UNC79: variants seen among roughly 807,000 people sequenced by gnomAD.
UNC79 encodes the protein unc-79 subunit of NALCN channel complex.
A neutral mutation model predicts 283.1 loss-of-function variants in UNC79; 37 were observed. The observed-to-expected ratio is 0.13, with a 90% CI of 0.10 to 0.17. The LOEUF is 0.17. Among genes scored for constraint, UNC79 ranks in the 10% least tolerant of loss-of-function variants. The pLI is 1.00. For synonymous variants in UNC79, 1,107 were observed against 1,200.2 expected (o/e 0.92, Z 1.61); for missense variants, 2,272 against 3,211.1 (o/e 0.71, Z 7.07).
Position 93,486,721 on chromosome 14 carries a change from C to A in UNC79, c.620-942C>A, listed in dbSNP as rs147500676. Among the ~76,000 whole-genome samples, 89 of 148,766 alleles carry A rather than the reference C, an allele frequency of 6.0e-4. No homozygotes were observed. The Middle Eastern group carries it at 0.014, about 24-fold the overall frequency. ...GGAGACCATGTATTTCCCCAAATGA[C>A]TTCCATCAGTGCTACTTTTGAATAC... On this transcript the variant is annotated intron_variant, in intron 4 of 48. Coordinates refer to ENST00000555664, the Ensembl canonical transcript of UNC79.
exon 18 of UNC79, chr14:93,577,845 A>G (rs1339921248): frequency 6.2e-7 from 1 of 1,613,434 alleles, no homozygotes; most frequent in African/African-American, 1.3e-5. Context: ...CTTGTAGGTG[A>G]GTGTTGCCTC....
intron 40 of UNC79, among the ~76,000 whole-genome samples, chr14:93,663,363 G>A (rs1389459229): frequency 1.3e-5 from 2 of 152,164 alleles, no homozygotes; most frequent in Non-Finnish European, 1.5e-5. Flanking sequence ...AAATCAGAAG[G>A]CAGGGCAAAA....
At chr14:93,493,895 ATATATAT>A (rs1457830295) in intron 5 of UNC79, among the ~76,000 whole-genome samples, 21 of 35,546 alleles carry the variant, frequency 5.9e-4, no homozygotes, top group South Asian at 3.0e-3. Context: ...ATATATATAT[ATATATAT>A]TTTTTTTTTT....
At chr14:93,538,330 A>G in intron 12 of UNC79, 112 bp downstream of exon 12, 1 of 1,069,332 alleles carries the variant, frequency 9.4e-7, no homozygotes, top group Non-Finnish European at 1.3e-6. Flanking sequence ...CTTAGCCCAG[A>G]TGCTCACCTT....
chr14:93,417,480 A>G (rs373426837), intron 1 of UNC79, among the ~76,000 whole-genome samples: 1 of 152,002 alleles, frequency 6.6e-6, no homozygotes, highest in Non-Finnish European at 1.5e-5. Flanking sequence ...CAACTTTGGT[A>G]AATCTGACAA....
intron 1 of UNC79, among the ~76,000 whole-genome samples, chr14:93,386,446 CTTTGTCTGGT>C (rs1158040249): frequency 3.9e-5 from 6 of 152,038 alleles, no homozygotes; most frequent in Non-Finnish European, 7.4e-5. Context: ...TTTGATGTGT[CTTTGTCTGGT>C]TTTGATGTCA....
intron 47 of UNC79, among the ~76,000 whole-genome samples, chr14:93,702,200 G>A (rs1183628220): frequency 2.0e-5 from 3 of 152,136 alleles, no homozygotes; most frequent in Non-Finnish European, 2.9e-5. Context: ...GCCAGTCCTA[G>A]TAAGGGTCAG....
In UNC79 at chr14:93,575,217, G is replaced by T. The variant is rs565250079; in HGVS notation, c.2211+19G>T. The stretch of plus-strand genomic sequence containing the variant: ...TCGAAGGGTAATTATTGCCACATTT[G>T]TTCTTGTCTTGCTTTTAAAAATCTT... On this transcript the variant is annotated intron_variant, in intron 17 of 48. Coordinates refer to ENST00000555664, the Ensembl canonical transcript of UNC79. 21 of 1,612,938 alleles carry T rather than the reference G, an allele frequency of 1.3e-5. No homozygotes were observed. The South Asian group carries it at 2.3e-4, about 18-fold the overall frequency.
chr14:93,466,709 A>G (rs1355311891), intron 1 of UNC79, among the ~76,000 whole-genome samples: 2 of 152,168 alleles, frequency 1.3e-5, no homozygotes, highest in African/African-American at 4.8e-5. Context: ...GAGCCATACC[A>G]CCTAAAAGGC....
At chr14:93,646,462 G>A in intron 34 of UNC79, 146 bp from the exon 38 acceptor site, 1 of 669,030 alleles carries the variant, frequency 1.5e-6, no homozygotes, top group Non-Finnish European at 2.5e-6. Context: ...CCACTGAGTG[G>A]GCCCTCTGTA....
chr14:93,492,452 C>G (rs139070652), intron 5 of UNC79, among the ~76,000 whole-genome samples: 2,137 of 152,306 alleles, frequency 0.014, 23 homozygotes, highest in Middle Eastern at 0.037. Context: ...CTCCTGGGTT[C>G]AAGCAATTCT....
chr14:93,508,722 T>C (rs895377546), intron 7 of UNC79, among the ~76,000 whole-genome samples: 1 of 152,244 alleles, frequency 6.6e-6, no homozygotes, highest in African/African-American at 2.4e-5. Context: ...GTTTAACATA[T>C]TGATCTTTTA....
At chr14:93,616,512 G>T (rs190050331) in intron 27 of UNC79, among the ~76,000 whole-genome samples, 10 of 151,946 alleles carry the variant, frequency 6.6e-5, no homozygotes, top group African/African-American at 2.2e-4. Flanking sequence ...AGGACTATAG[G>T]TGTGTGCCAC....
At chr14:93,344,939 T>C (rs2053793182) in intron 1 of UNC79, among the ~76,000 whole-genome samples, 1 of 152,184 alleles carries the variant, frequency 6.6e-6, no homozygotes, top group African/African-American at 2.4e-5. Flanking sequence ...GGTTAACTCC[T>C]GTAATCCTAA....
chr14:93,380,117 G>T (rs1477972453), intron 1 of UNC79, among the ~76,000 whole-genome samples: 1 of 152,156 alleles, frequency 6.6e-6, no homozygotes, highest in Non-Finnish European at 1.5e-5. Flanking sequence ...GCACGTAGTA[G>T]ATGCATATGT....
intron 48 of UNC79, 77 bp downstream of exon 51, chr14:93,704,743 T>G: frequency 1.3e-6 from 2 of 1,535,998 alleles, no homozygotes; most frequent in Non-Finnish European, 1.8e-6. Flanking sequence ...TTGTTGATGC[T>G]CCATTTACTA....
chr14:93,387,810 A>G (rs1566906802), intron 1 of UNC79, among the ~76,000 whole-genome samples: 1 of 152,214 alleles, frequency 6.6e-6, no homozygotes, highest in Non-Finnish European at 1.5e-5. Context: ...CGTCTGGAAG[A>G]TCTGTTCAGT....
rs556713650 is a variant in UNC79 at position 93,405,800 on chromosome 14, C to T, written c.-350-61871C>T. ...AAGGTGACACTGGAAAGTAAATGCA[C>T]TTGTTAAGAACATTTAAAAATAGTT... On this transcript the variant is annotated intron_variant, in intron 1 of 49. Transcript: ENST00000256339. Among the ~76,000 whole-genome samples, 12 of 152,304 alleles carry T rather than the reference C, an allele frequency of 7.9e-5. No individual in the cohort carries two copies. The East Asian group carries it at 2.1e-3, about 27-fold the overall frequency.
chr14:93,461,687 C>G (rs1412811864), intron 1 of UNC79, among the ~76,000 whole-genome samples: 1 of 152,102 alleles, frequency 6.6e-6, no homozygotes, highest in East Asian at 1.9e-4. Context: ...ACAAAAAGCT[C>G]ACTGTTCACT....
Sources: allele counts gnomAD v4.1 joint callset (sites outside exome capture counted in the v4.1 genomes callset), GRCh38; gene constraint gnomAD v4.1.1; transcripts MANE v1.5; gene names NCBI Gene and HGNC (gene_info 2026-07-23, HGNC 2026-07-21).